Variants in NAV2 observed in about 807,000 individuals in gnomAD.
NAV2 encodes the protein helicase, APC down-regulated 1.
A neutral mutation model predicts 223.2 loss-of-function variants in NAV2; 54 were observed. The ratio of observed to expected loss-of-function variants is 0.24; its 90% CI spans 0.19 to 0.30. The LOEUF is 0.30. NAV2 is among the 10% of genes least tolerant of loss of function. The pLI is 1.00. For synonymous variants in NAV2, 1,279 were observed against 1,239.3 expected (o/e 1.03, Z -0.67); for missense variants, 2,806 against 3,147.5 (o/e 0.89, Z 2.60).
At chr11:19,531,196 G>C (rs1234101781) in intron 1 of NAV2, among the ~76,000 whole-genome samples, 3 of 152,202 alleles carry the variant, frequency 2.0e-5, no homozygotes, top group Non-Finnish European at 4.4e-5. Flanking sequence ...CCTTCATGGG[G>C]CTCACATTCT....
chr11:19,822,984 T>C (rs2059456652), intron 1 of NAV2, among the ~76,000 whole-genome samples: 1 of 152,152 alleles, frequency 6.6e-6, no homozygotes, highest in Non-Finnish European at 1.5e-5. Flanking sequence ...TCCTTCTACT[T>C]ATGGGTTTTC....
chr11:19,396,973 C>G (rs1849475122), intron 1 of NAV2, among the ~76,000 whole-genome samples: 2 of 152,242 alleles, frequency 1.3e-5, no homozygotes, highest in Non-Finnish European at 2.9e-5. Flanking sequence ...TTATGGGGAC[C>G]ACTGAGGAGT....
chr11:19,460,584 G>A lies in NAV2; in HGVS notation c.75+109557G>A, dbSNP rs113355071. 4.8e-3 allele frequency among the ~76,000 whole-genome samples: 706 copies of A among 148,004 alleles called. 2 individuals carry two copies. Among genetic ancestry groups the A allele is most frequent in the Non-Finnish European group, 7.8e-3 (528 of 67,600 alleles). ...AAACACCGCATGTTCTCACTCATAG[G>A]TGGGAATTGAACAATGAGAACACTT... On this transcript the variant is annotated intron_variant, in intron 1 of 37. Transcript: ENST00000360655.
chr11:19,960,986 G>C (rs1424548999), intron 10 of NAV2, among the ~76,000 whole-genome samples: 1 of 152,132 alleles, frequency 6.6e-6, no homozygotes, highest in Non-Finnish European at 1.5e-5. Flanking sequence ...TATGCAAATG[G>C]ACCTGGAAGA....
chr11:20,106,545 G>A (rs1465076173), intron 35 of NAV2, among the ~76,000 whole-genome samples: 1 of 85,052 alleles, frequency 1.2e-5, no homozygotes, highest in African/African-American at 4.0e-5. Flanking sequence ...GGGGAACAGA[G>A]TGAGACTCCA....
intron 1 of NAV2, among the ~76,000 whole-genome samples, chr11:19,425,413 T>A (rs774162671): frequency 1.3e-5 from 2 of 152,222 alleles, no homozygotes; most frequent in African/African-American, 4.8e-5. Context: ...TTCTTCCAGC[T>A]GGATAGGTAC....
chr11:19,816,265 G>A (rs2059084932), intron 1 of NAV2, among the ~76,000 whole-genome samples: 1 of 152,234 alleles, frequency 6.6e-6, no homozygotes, highest in Non-Finnish European at 1.5e-5. Context: ...CGCATTCCTA[G>A]GGCCGGGCAG....
chr11:19,702,717 G>A (rs1438879308), intron 1 of NAV2, among the ~76,000 whole-genome samples: 1 of 151,888 alleles, frequency 6.6e-6, no homozygotes, highest in Non-Finnish European at 1.5e-5. Context: ...GGAGGAGTTT[G>A]CAGTGAGCTG....
chr11:19,983,065 G>A (rs544199238), intron 10 of NAV2, among the ~76,000 whole-genome samples: 1 of 152,168 alleles, frequency 6.6e-6, no homozygotes, highest in Non-Finnish European at 1.5e-5. Flanking sequence ...ATCTGATGGG[G>A]CCCATAAGGG....
rs1420581083 is a variant in NAV2, at chr11:20,118,150, G to A, written c.7182G>A (p.Arg2394=). The A allele has an allele frequency of 6.2e-7, 1 of 1,613,996 alleles. No individual in the cohort carries two copies. The highest frequency in any genetic ancestry group is 1.6e-4 in the Middle Eastern group (1 of 6,062). ...EGDPLMNMLM[R]LQEAANYSSP... is the part of the protein sequence containing the mutation. ...TCCCCTAGATGAACATGCTGATGAG[G>A]CTGCAGGAGGCAGCCAACTACTCCA... Residue 2394 remains arginine, a synonymous_variant, in exon 38 of 38, where the codon AGG becomes AGA. Coordinates refer to ENST00000349880, the MANE Select transcript of NAV2 (RefSeq NM_145117.5).
chr11:19,589,661 C>CAGGTG (rs1185148218), intron 1 of NAV2, among the ~76,000 whole-genome samples: 86 of 152,270 alleles, frequency 5.6e-4, no homozygotes, highest in African/African-American at 1.9e-3. Flanking sequence ...TCTAGAGCAG[C>CAGGTG]AGGTGGGAAG....
chr11:19,565,762 A>G (rs529128984), intron 1 of NAV2, among the ~76,000 whole-genome samples: 4 of 152,334 alleles, frequency 2.6e-5, no homozygotes, highest in South Asian at 4.1e-4. Flanking sequence ...TGTGCACCCA[A>G]TGAGATGTGC....
At chr11:19,544,101 A>G (rs1200633892) in intron 1 of NAV2, among the ~76,000 whole-genome samples, 1 of 152,250 alleles carries the variant, frequency 6.6e-6, no homozygotes, top group Non-Finnish European at 1.5e-5. Context: ...CCTGGCACAT[A>G]GTAAGTGCTC....
Position 20,105,691 on chromosome 11 carries a change from T to G in NAV2, c.6805T>G (p.Phe2269Val). The part of the protein sequence containing the change: ...IPKVWHHLNR[F>V]LEAHSSSDVT... ...CAAGGTCTGGCATCACCTCAACCGC[T>G]TCCTGGAGGCTCACAGTTCCTCGGA... Residue 2269 changes from phenylalanine to valine, a missense_variant, in exon 35 of 38, where the codon TTC becomes GTC. By Grantham distance (50) the Phe-to-Val change is conservative. Around this residue, in one of 4 missense-constraint regions of NAV2, gnomAD observed 824 missense variants for 1,069.4 expected, o/e 0.77. Coordinates refer to ENST00000349880, the MANE Select transcript of NAV2 (RefSeq NM_145117.5). 1 of 1,613,352 alleles carries G rather than the reference T, an allele frequency of 6.2e-7. No individual in the cohort carries two copies. The highest frequency in any genetic ancestry group is 8.5e-7 in the Non-Finnish European group (1 of 1,179,976).
intron 1 of NAV2, among the ~76,000 whole-genome samples, chr11:19,632,029 C>T (rs1337797881): frequency 1.3e-5 from 2 of 152,246 alleles, no homozygotes; most frequent in Non-Finnish European, 2.9e-5. Context: ...CTCTGGTTCC[C>T]ACCCGCCAGG....
chr11:19,469,375 T>C (rs563252868), intron 1 of NAV2, among the ~76,000 whole-genome samples: 2 of 152,284 alleles, frequency 1.3e-5, no homozygotes, highest in South Asian at 4.1e-4. Flanking sequence ...GCAAGGGGCT[T>C]ATAAGTTTGG....
At chr11:20,002,025 G>A (rs1318938062) in intron 11 of NAV2, among the ~76,000 whole-genome samples, 1 of 152,250 alleles carries the variant, frequency 6.6e-6, no homozygotes, top group East Asian at 1.9e-4. Context: ...TCAGGATGCC[G>A]GCATGGTCGA....
intron 6 of NAV2, among the ~76,000 whole-genome samples, chr11:19,931,595 TAA>T (rs398055055): frequency 2.4e-4 from 9 of 37,954 alleles, no homozygotes; most frequent in Admixed American, 2.5e-4. Context: ...CATAGGTATT[TAA>T]AAAAAAAAAA....
At chr11:19,383,675 T>C (rs2729851) in intron 1 of NAV2, among the ~76,000 whole-genome samples, 147,658 of 152,292 alleles carry the variant, frequency 0.97, 71,733 homozygotes, top group East Asian at 1. Flanking sequence ...CTGAACTCCA[T>C]GGGCCTCCTA....
Sources: gnomAD v4.1 joint callset for allele counts (sites outside exome capture counted in the v4.1 genomes callset) on GRCh38, gnomAD v4.1.1 for gene constraint, gnomAD v4.1.1 regional missense constraint, MANE v1.5 for transcripts, NCBI Gene and HGNC (gene_info 2026-07-23, HGNC 2026-07-21) for gene names.